The following PLXNA4 variants were observed in gnomAD, a reference collection of about 807,000 sequenced individuals.
The protein encoded by PLXNA4 is plexin-A4.
PLXNA4 carries 44 observed loss-of-function variants against 191.8 expected under a neutral mutation model. The observed-to-expected ratio is 0.23, with a 90% CI of 0.18 to 0.29. PLXNA4 has a LOEUF of 0.29. Ranked by LOEUF, PLXNA4 falls within the 10% of genes least tolerant of loss-of-function variation. The pLI, the probability that PLXNA4 is intolerant of heterozygous loss-of-function variation, is 1.00. For synonymous variants in PLXNA4, 1,082 were observed against 1,009.5 expected (o/e 1.07, Z -1.36); for missense variants, 1,800 against 2,488.8 (o/e 0.72, Z 5.89).
chr7:132,399,579 G>A (rs1227581268), intron 3 of PLXNA4, among the ~76,000 whole-genome samples: 2 of 152,190 alleles, frequency 1.3e-5, no homozygotes, highest in Non-Finnish European at 2.9e-5. Context: ...TGCAGTCTGG[G>A]AAGAGTGTTC....
At chr7:132,187,364 G>A in intron 15 of PLXNA4, 107 bp downstream of exon 15, 1 of 1,496,482 alleles carries the variant, frequency 6.7e-7, no homozygotes, top group Non-Finnish European at 8.9e-7. Flanking sequence ...CCTGTCAGGT[G>A]GTTACACCCT....
intron 4 of PLXNA4, among the ~76,000 whole-genome samples, chr7:132,251,947 A>G (rs1197780722): frequency 6.6e-6 from 1 of 152,236 alleles, no homozygotes; most frequent in Non-Finnish European, 1.5e-5. Flanking sequence ...TTCCTGAAGG[A>G]GAACCTTCTA....
intron 3 of PLXNA4, among the ~76,000 whole-genome samples, chr7:132,390,864 T>C (rs1310057108): frequency 6.6e-6 from 1 of 152,160 alleles, no homozygotes; most frequent in Non-Finnish European, 1.5e-5. Context: ...CTGTTCTCCT[T>C]TTGTGCTTCT....
intron 3 of PLXNA4, among the ~76,000 whole-genome samples, chr7:132,364,103 C>A (rs1025730398): frequency 6.6e-6 from 1 of 152,228 alleles, no homozygotes; most frequent in East Asian, 1.9e-4. Flanking sequence ...TTTACCTGGG[C>A]AGGGCGATGG....
chr7:132,195,354 C>T (rs988050748), intron 13 of PLXNA4, among the ~76,000 whole-genome samples: 6 of 152,168 alleles, frequency 3.9e-5, no homozygotes, highest in Non-Finnish European at 8.8e-5. Flanking sequence ...ATTTACACAA[C>T]CATCTTCCTA....
At chr7:132,242,341 A>G (rs190702451) in intron 4 of PLXNA4, among the ~76,000 whole-genome samples, 13 of 152,242 alleles carry the variant, frequency 8.5e-5, no homozygotes, top group Admixed American at 8.5e-4. Context: ...CCTCTCTGTT[A>G]CATGAGCAAA....
intron 4 of PLXNA4, among the ~76,000 whole-genome samples, chr7:132,279,799 A>G (rs1406281362): frequency 6.6e-6 from 1 of 152,206 alleles, no homozygotes; most frequent in African/African-American, 2.4e-5. Flanking sequence ...AGTTGTTGAG[A>G]TAGAGAAATC....
intron 2 of PLXNA4, among the ~76,000 whole-genome samples, chr7:132,629,342 C>T (rs1167040918): frequency 2.0e-5 from 3 of 152,196 alleles, no homozygotes; most frequent in Non-Finnish European, 4.4e-5. Context: ...CATTCCTGCA[C>T]TAAAGTCATA....
rs557521553 is a variant in PLXNA4 at position 132,125,653 on chromosome 7, C to T, written c.*4826G>A. On this transcript the variant is annotated 3_prime_UTR_variant, in exon 32 of 32. Coordinates refer to ENST00000321063, the MANE Select transcript of PLXNA4 (RefSeq NM_020911.2). ...AAGGAAGAGGCTGAGGGTTCAAGGC[C>T]TCCCAGTCACCTGTCCTGAGAGCTG... 6.6e-6 allele frequency: 1 copy of T among 152,224 alleles called. No homozygotes were observed. The highest frequency in any genetic ancestry group is 1.9e-4 in the East Asian group (1 of 5,172). 9.4% of individuals were successfully genotyped at this position (152,224 alleles called of 1,614,324 possible). A position where few individuals can be genotyped will look rare whatever the true frequency, so the allele number is the denominator to read the frequency against.
rs1225837715 is a variant in PLXNA4, at chr7:132,550,097, AC to A, written c.-87+26324del. Among the ~76,000 whole-genome samples the A allele has an allele frequency of 3.9e-5, 6 of 152,144 alleles. No individual in the cohort carries two copies. In the East Asian group the frequency reaches 1.2e-3, roughly 29 times the overall value. ...GTGGGTTCTATAAGGCTAGGGCTAT[AC>A]CCCACCTGCTGCCCAAGGGTAAGGT... is the stretch of plus-strand genomic sequence containing the variant. On this transcript the variant is annotated intron_variant, in intron 1 of 31. Coordinates refer to ENST00000321063, the MANE Select transcript of PLXNA4 (RefSeq NM_020911.2).
intron 14 of PLXNA4, among the ~76,000 whole-genome samples, chr7:132,193,660 G>C (rs755070076): frequency 4.6e-5 from 7 of 152,128 alleles, no homozygotes; most frequent in Non-Finnish European, 1.0e-4. Context: ...AAGAAACTGA[G>C]GCAAAAACAA....
At chr7:132,519,015 T>C (rs137922202) in intron 1 of PLXNA4, among the ~76,000 whole-genome samples, 83 of 152,290 alleles carry the variant, frequency 5.5e-4, no homozygotes, top group African/African-American at 1.9e-3. Flanking sequence ...CGCCTTGAGA[T>C]TCCAGGCACT....
chr7:132,148,964 G>A (rs1795515186), intron 25 of PLXNA4, among the ~76,000 whole-genome samples: 2 of 152,156 alleles, frequency 1.3e-5, no homozygotes, highest in South Asian at 2.1e-4. Context: ...AACAAAAGAG[G>A]CACATAATAA....
chr7:132,273,358 GCACGCA>G (rs1800151156), intron 4 of PLXNA4, among the ~76,000 whole-genome samples: 3 of 143,958 alleles, frequency 2.1e-5, no homozygotes, highest in Admixed American at 1.3e-4. Context: ...ACACACACAC[GCACGCA>G]CACGCACACA....
chr7:132,564,829 T>C (rs1433013731), intron 1 of PLXNA4, among the ~76,000 whole-genome samples: 1 of 152,194 alleles, frequency 6.6e-6, no homozygotes, highest in African/African-American at 2.4e-5. Flanking sequence ...AACCTACTAC[T>C]ACCAGGATGG....
rs552257299 is a variant in PLXNA4 at position 132,511,618 on chromosome 7, GC to G, written c.-86-2840del. Among the ~76,000 whole-genome samples, 221 of 152,318 alleles carry G rather than the reference GC, an allele frequency of 1.5e-3. 2 individuals carry two copies. The highest frequency in any genetic ancestry group is 0.012 in the Admixed American group (188 of 15,302). ...GACTGTAAAGCAGCAGCTGCACAGA[GC>G]CTCTGCCTAGCACAGTTAAGTGCTT... On this transcript the variant is annotated intron_variant, in intron 1 of 31. Transcript: ENST00000321063.
chr7:132,559,342 G>T (rs1244556825), intron 1 of PLXNA4, among the ~76,000 whole-genome samples: 1 of 152,164 alleles, frequency 6.6e-6, no homozygotes, highest in Non-Finnish European at 1.5e-5. Context: ...ACAGCCCAAA[G>T]CACAAGACAA....
At position 132,631,005 on chromosome 7, in the gene PLXNA4, A is replaced by G. The variant is rs368959171; in HGVS notation, c.-87+14923T>C. Among the ~76,000 whole-genome samples, 3 of 152,294 alleles carry G rather than the reference A, an allele frequency of 2.0e-5. No individual in the cohort carries two copies. The East Asian group carries it at 5.8e-4, about 29-fold the overall frequency. ...ACAGAAAGAACTTTCAAACTTTTAA[A>G]CCAGAACACCCATAGTGGCAGAGAA... On this transcript the variant is annotated intron_variant, in intron 2 of 4. Transcript: ENST00000378539.
At chr7:132,302,563 C>T (rs1801347980) in intron 3 of PLXNA4, among the ~76,000 whole-genome samples, 2 of 151,580 alleles carry the variant, frequency 1.3e-5, no homozygotes, top group South Asian at 4.2e-4. Context: ...CTCGGGCAGC[C>T]AAAAAGGCCC....
Sources: allele counts gnomAD v4.1 joint callset (sites outside exome capture counted in the v4.1 genomes callset), GRCh38; gene constraint gnomAD v4.1.1; transcripts MANE v1.5; gene names NCBI Gene and HGNC (gene_info 2026-07-23, HGNC 2026-07-21).